The following CA1 variants were observed in gnomAD, a reference collection of about 807,000 sequenced individuals.
CA1 encodes carbonate dehydratase I.
A neutral mutation model predicts 28.8 loss-of-function variants in CA1; 27 were observed. That is an observed-to-expected ratio of 0.94 (90% CI 0.69 to 1.29). The LOEUF (loss-of-function observed/expected upper bound fraction) is 1.29, where lower values mean the gene tolerates loss of function less well. CA1 is among the 50% of genes most tolerant of loss of function. The pLI, the probability that CA1 is intolerant of heterozygous loss-of-function variation, is 0.00. For missense variants in CA1, 335 were observed against 310.5 expected (o/e 1.08, Z -0.59); for synonymous variants, 121 against 108.8 (o/e 1.11, Z -0.70).
intron 1 of CA1, among the ~76,000 whole-genome samples, chr8:85,375,742 G>T (rs777721836): frequency 2.0e-5 from 3 of 152,164 alleles, no homozygotes; most frequent in African/African-American, 7.2e-5. Context: ...CAGAACAACT[G>T]TATCCTGGCA....
chr8:85,347,583 C>T (rs1297630105), intron 1 of CA1, among the ~76,000 whole-genome samples: 1 of 152,210 alleles, frequency 6.6e-6, no homozygotes, highest in Non-Finnish European at 1.5e-5. Flanking sequence ...GAAAAGTTCA[C>T]TCCAAACAGA....
At chr8:85,376,642 C>T (rs1585977283) in intron 1 of CA1, among the ~76,000 whole-genome samples, 1 of 150,134 alleles carries the variant, frequency 6.7e-6, no homozygotes, top group Non-Finnish European at 1.5e-5. Flanking sequence ...AGCCTGGTGA[C>T]AGAGAAATTG....
At chr8:85,346,241 T>C (rs1809179031) in intron 1 of CA1, among the ~76,000 whole-genome samples, 2 of 152,198 alleles carry the variant, frequency 1.3e-5, no homozygotes, top group South Asian at 4.1e-4. Flanking sequence ...GAATATCTAG[T>C]GAACTTTTAT....
At chr8:85,361,348 G>A (rs187015593) in intron 1 of CA1, among the ~76,000 whole-genome samples, 23 of 152,202 alleles carry the variant, frequency 1.5e-4, no homozygotes, top group Admixed American at 1.3e-3. Flanking sequence ...TGTCAAATAC[G>A]TTTAAAAAGA....
intron 1 of CA1, among the ~76,000 whole-genome samples, chr8:85,355,665 T>G (rs572498266): frequency 1.3e-4 from 19 of 151,084 alleles, no homozygotes; most frequent in African/African-American, 4.6e-4. Context: ...CCTCTCAAAG[T>G]AGGGGCATTA....
intron 1 of CA1, among the ~76,000 whole-genome samples, chr8:85,364,954 A>G (rs981971663): frequency 8.5e-5 from 13 of 152,290 alleles, no homozygotes; most frequent in African/African-American, 3.1e-4. Flanking sequence ...CGGTACTGGC[A>G]GCAACAGCTG....
At chr8:85,356,734 A>G (rs542823800) in intron 1 of CA1, among the ~76,000 whole-genome samples, 1 of 152,288 alleles carries the variant, frequency 6.6e-6, no homozygotes, top group South Asian at 2.1e-4. Flanking sequence ...TTCTGTTGGG[A>G]TCAAGTATGA....
In CA1 at chr8:85,372,652, T is replaced by C. The variant is rs182235598; in HGVS notation, c.-25+5394A>G. On this transcript the variant is annotated intron_variant, in intron 1 of 7. Coordinates refer to ENST00000523022, the MANE Select transcript of CA1 (RefSeq NM_001128831.4). ...TTCCCCCTTAACCAAAGCTTTGCTT[T>C]CCTCTGTTTCAGTTATGTATGATCC... Among the ~76,000 whole-genome samples, 624 of 152,328 alleles carry C rather than the reference T, an allele frequency of 4.1e-3. 4 individuals carry two copies. Among genetic ancestry groups the C allele is most frequent in the African/African-American group, 0.014 (595 of 41,586 alleles).
At chr8:85,340,681 A>G (rs1170127741) in intron 2 of CA1, among the ~76,000 whole-genome samples, 3 of 152,244 alleles carry the variant, frequency 2.0e-5, no homozygotes, top group Non-Finnish European at 2.9e-5. Flanking sequence ...ACCATTCTGC[A>G]TGAACATTTG....
At chr8:85,343,460 T>C (rs1303681444) in intron 1 of CA1, among the ~76,000 whole-genome samples, 8 of 152,156 alleles carry the variant, frequency 5.3e-5, no homozygotes, top group Non-Finnish European at 2.9e-5. Context: ...GATTAGGTGA[T>C]GTAGCTTGGT....
intron 1 of CA1, among the ~76,000 whole-genome samples, chr8:85,345,718 T>C (rs1809153144): frequency 6.6e-6 from 1 of 152,194 alleles, no homozygotes; most frequent in Non-Finnish European, 1.5e-5. Context: ...TATTTGGGCA[T>C]GTGAATGAGC....
chr8:85,344,266 AAT>A (rs55810560), intron 1 of CA1, among the ~76,000 whole-genome samples: 40,067 of 71,332 alleles, frequency 0.56, 10,413 homozygotes, highest in Non-Finnish European at 0.61. Context: ...TACAGTATAT[AAT>A]ATATAATTAT....
At chr8:85,373,832 G>C (rs1285920132) in intron 1 of CA1, among the ~76,000 whole-genome samples, 1 of 152,114 alleles carries the variant, frequency 6.6e-6, no homozygotes, top group Admixed American at 6.6e-5. Context: ...CATATACAAA[G>C]GGACAAATAC....
At chr8:85,371,525 T>TA (rs765649266) in intron 1 of CA1, among the ~76,000 whole-genome samples, 1 of 152,054 alleles carries the variant, frequency 6.6e-6, no homozygotes, top group East Asian at 1.9e-4. Flanking sequence ...ATGCCATGTG[T>TA]AGTACACCCA....
intron 1 of CA1, among the ~76,000 whole-genome samples, chr8:85,344,619 T>C (rs1338117418): frequency 6.6e-6 from 1 of 152,064 alleles, no homozygotes; most frequent in African/African-American, 2.4e-5. Flanking sequence ...AAACATGAAC[T>C]CTTCTGGAAG....
At chr8:85,353,925 A>G (rs1809505010) in intron 1 of CA1, among the ~76,000 whole-genome samples, 1 of 152,050 alleles carries the variant, frequency 6.6e-6, no homozygotes, top group Non-Finnish European at 1.5e-5. Context: ...AGATTCTAAT[A>G]ACTATCCTGA....
At chr8:85,340,346 T>A (rs1169748427) in intron 2 of CA1, among the ~76,000 whole-genome samples, 1 of 152,158 alleles carries the variant, frequency 6.6e-6, no homozygotes, top group East Asian at 1.9e-4. Context: ...TGACAGCACA[T>A]CTATTTACAG....
intron 1 of CA1, among the ~76,000 whole-genome samples, chr8:85,361,837 C>A (rs993151746): frequency 3.9e-5 from 6 of 152,220 alleles, no homozygotes. Context: ...AATTCACCAG[C>A]TACTATCATC....
At chr8:85,335,445 G>A (rs1348833429) in intron 4 of CA1, among the ~76,000 whole-genome samples, 1 of 152,098 alleles carries the variant, frequency 6.6e-6, no homozygotes, top group African/African-American at 2.4e-5. Flanking sequence ...AGGAATACTG[G>A]AGCGTAGAGT....
Sources: allele counts gnomAD v4.1 joint callset (sites outside exome capture counted in the v4.1 genomes callset), GRCh38; gene constraint gnomAD v4.1.1; transcripts MANE v1.5; gene names NCBI Gene and HGNC (gene_info 2026-07-23, HGNC 2026-07-21).